YARS1: variants seen among roughly 807,000 people sequenced by gnomAD.
The protein encoded by YARS1 is tyrosine--tRNA ligase, cytoplasmic.
YARS1 carries 36 observed loss-of-function variants against 62.2 expected under a neutral mutation model. That is an observed-to-expected ratio of 0.58 (90% CI 0.44 to 0.76). The LOEUF is 0.76. Among genes scored for constraint, YARS1 ranks in the 30% least tolerant of loss-of-function variants. YARS1 has a pLI of 0.00. For synonymous variants in YARS1, 234 were observed against 244.9 expected, an observed-to-expected ratio of 0.96 and a Z score of 0.42; for missense variants, 524 against 639.8, an observed-to-expected ratio of 0.82 and a Z score of 1.95.
chr1:32,780,009 A>C (rs1477651415), intron 11 of YARS1, 76 bp downstream of exon 11: 1 of 1,565,566 alleles, frequency 6.4e-7, no homozygotes, highest in Non-Finnish European at 8.8e-7. Flanking sequence ...GGTGTGTGGA[A>C]GGACATCATA....
intron 5 of YARS1, among the ~76,000 whole-genome samples, chr1:32,796,031 A>C (rs1389016052): frequency 6.6e-6 from 1 of 152,190 alleles, no homozygotes; most frequent in Non-Finnish European, 1.5e-5. Context: ...GCAGTGGCTC[A>C]TGCTTGTAAT....
At chr1:32,816,925 G>A in intron 1 of YARS1, 1 of 593,338 alleles carries the variant, frequency 1.7e-6, no homozygotes, top group Non-Finnish European at 3.0e-6. Context: ...ATAGGGGGGT[G>A]GAATGGGAGT....
In YARS1 at chr1:32,776,042, T is replaced by C. The variant is rs1489182397; in HGVS notation, c.1526A>G (p.Asn509Ser). 6.2e-7 allele frequency: 1 copy of C among 1,614,118 alleles called. No homozygotes were observed. Among genetic ancestry groups the C allele is most frequent in the Admixed American group, 1.7e-5 (1 of 60,024 alleles). The part of the protein sequence containing the change: ...EECIAQWKQT[N>S]FMTKLGSISC... ...AATGGAGCCCAGCTTGGTCATGAAG[T>C]TGGTTTGCTTCCACTGTGCGATGCA... is the stretch of plus-strand genomic sequence containing the variant. The change falls in exon 13 of 13, where the codon AAC becomes AGC. Residue 509 changes from asparagine (N) to serine (S), a missense_variant. Transcript: ENST00000373477. The surrounding 1 kb of genome is among the most constrained non-coding windows in gnomAD (Gnocchi z 4.0).
intron 4 of YARS1, among the ~76,000 whole-genome samples, chr1:32,805,372 A>G (rs937309105): frequency 3.9e-5 from 6 of 152,096 alleles, no homozygotes; most frequent in Non-Finnish European, 7.4e-5. Flanking sequence ...CTCAGCCTTC[A>G]TAAAACTGAA....
intron 1 of YARS1, among the ~76,000 whole-genome samples, chr1:32,815,165 A>G (rs1314605999): frequency 6.6e-6 from 1 of 152,188 alleles, no homozygotes; most frequent in African/African-American, 2.4e-5. Context: ...CCTGGCCAGC[A>G]TGGTGAAACC....
chr1:32,805,097 A>G (rs1275011165), intron 4 of YARS1, among the ~76,000 whole-genome samples: 3 of 152,022 alleles, frequency 2.0e-5, no homozygotes, highest in African/African-American at 7.2e-5. Flanking sequence ...GCGTGGCGGC[A>G]CGCGCCTGCA....
chr1:32,784,933 G>C (rs966300547), intron 8 of YARS1, among the ~76,000 whole-genome samples: 6 of 152,110 alleles, frequency 3.9e-5, no homozygotes, highest in African/African-American at 1.4e-4. Context: ...AAATGAATAG[G>C]AGCCTCTATT....
At chr1:32,811,374 A>T (rs1162813235) in intron 1 of YARS1, 1 of 405,006 alleles carries the variant, frequency 2.5e-6, no homozygotes, top group Admixed American at 3.6e-5. Flanking sequence ...GAACGCAAAT[A>T]ACTGATAAGA....
At chr1:32,780,332 C>G in intron 10 of YARS1, 54 bp from the exon 11 acceptor site, 1 of 1,604,898 alleles carries the variant, frequency 6.2e-7, no homozygotes, top group Admixed American at 1.7e-5. Flanking sequence ...AGAGAAGCAG[C>G]CTGGTGAACT....
intron 12 of YARS1, 105 bp downstream of exon 12, chr1:32,779,277 A>C (rs1386771460): frequency 1.3e-6 from 2 of 1,582,356 alleles, no homozygotes; most frequent in Non-Finnish European, 1.7e-6. Context: ...GCTCAAATGC[A>C]GGAAGTCCCA....
intron 4 of YARS1, among the ~76,000 whole-genome samples, chr1:32,804,856 C>T (rs1233728689): frequency 1.3e-5 from 2 of 152,098 alleles, no homozygotes; most frequent in Non-Finnish European, 2.9e-5. Flanking sequence ...GCTGCAATCT[C>T]GGCACTTTGG....
chr1:32,812,459 G>A (rs1638607602), intron 1 of YARS1, among the ~76,000 whole-genome samples: 1 of 152,090 alleles, frequency 6.6e-6, no homozygotes, highest in Non-Finnish European at 1.5e-5. Context: ...AGGCCCTAAA[G>A]GAAATCAAAG....
intron 4 of YARS1, among the ~76,000 whole-genome samples, chr1:32,802,475 C>G (rs1200187952): frequency 6.6e-6 from 1 of 151,942 alleles, no homozygotes; most frequent in Non-Finnish European, 1.5e-5. Flanking sequence ...GAGTCACTAT[C>G]TATGGCAGCT....
At chr1:32,811,555 T>C (rs1557467453) in intron 1 of YARS1, 4 of 180,150 alleles carry the variant, frequency 2.2e-5, no homozygotes, top group Non-Finnish European at 3.6e-5. Flanking sequence ...ACCATTTGTC[T>C]TTCTAACTTT....
At chr1:32,795,364 G>A (rs962398963) in intron 5 of YARS1, among the ~76,000 whole-genome samples, 4 of 152,250 alleles carry the variant, frequency 2.6e-5, no homozygotes, top group South Asian at 4.1e-4. Flanking sequence ...TACTCCAACT[G>A]TTGTTGGAGG....
At chr1:32,785,890 CTTTTT>C (rs11344284) in intron 8 of YARS1, among the ~76,000 whole-genome samples, 1 of 146,426 alleles carries the variant, frequency 6.8e-6, no homozygotes, top group African/African-American at 2.5e-5. Flanking sequence ...AGCCCATTTT[CTTTTT>C]TTTTTTTTTT....
intron 5 of YARS1, 33 bp downstream of exon 5, chr1:32,797,730 C>T (rs936159249): frequency 6.3e-7 from 1 of 1,578,348 alleles, no homozygotes; most frequent in Non-Finnish European, 8.7e-7. Context: ...CTCTGAGGTG[C>T]AAGTGAAAAA....
At position 32,781,089 on chromosome 1, in the gene YARS1, G is replaced by A. The variant is rs376054085; in HGVS notation, c.1099C>T (p.Arg367Trp). Residue 367 changes from arginine to tryptophan, a missense_variant, in exon 10 of 13, where the codon CGG becomes TGG. Physicochemically the swap from Arg to Trp is moderately radical, Grantham distance 101 (BLOSUM62 -3). Coordinates refer to ENST00000373477, the MANE Select transcript of YARS1 (RefSeq NM_003680.4). The stretch of plus-strand genomic sequence containing the variant: ...ATTTTCCCCACACGGATATCCAGCC[G>A]GGATGGGATGACCTCCTCTGGTTCT... ...NSEPEEVIPSRLDIRVGKIIT... is the reference protein window; with the variant it reads ...NSEPEEVIPSWLDIRVGKIIT... 1.5e-5 allele frequency: 25 copies of A among 1,614,212 alleles called. No individual in the cohort carries two copies. In the Admixed American group the frequency reaches 2.2e-4, roughly 14 times the overall value.
At chr1:32,803,090 G>A (rs908258354) in intron 4 of YARS1, among the ~76,000 whole-genome samples, 1 of 147,892 alleles carries the variant, frequency 6.8e-6, no homozygotes, top group African/African-American at 2.5e-5. Context: ...TCAAGCGACT[G>A]TCCTGCCTCA....
Sources: allele counts gnomAD v4.1 joint callset (sites outside exome capture counted in the v4.1 genomes callset), GRCh38; gene constraint gnomAD v4.1.1; non-coding constraint Gnocchi (gnomAD v3.1); transcripts MANE v1.5; gene names NCBI Gene and HGNC (gene_info 2026-07-23, HGNC 2026-07-21).